PREX1: variants seen among roughly 807,000 people sequenced by gnomAD.
PREX1 encodes the protein phosphatidylinositol-3,4,5-trisphosphate dependent Rac exchange factor 1, also known as phosphatidylinositol 3,4,5-trisphosphate-dependent Rac exchanger 1 protein.
In PREX1, 41 loss-of-function variants were observed where a neutral mutation model predicts 198.3. That is an observed-to-expected ratio of 0.21 (90% confidence interval 0.16 to 0.27). The LOEUF (loss-of-function observed/expected upper bound fraction) is 0.27, where lower values mean the gene tolerates loss of function less well. Ranked by LOEUF, PREX1 falls within the 10% of genes least tolerant of loss-of-function variation. The pLI is 1.00. For synonymous variants in PREX1, 843 were observed against 887.2 expected (o/e 0.95, Z 0.89); for missense variants, 1,620 against 2,200.7 (o/e 0.74, Z 5.28).
chr20:48,685,540 G>A (rs1432479418), intron 10 of PREX1, among the ~76,000 whole-genome samples: 1 of 152,186 alleles, frequency 6.6e-6, no homozygotes, highest in African/African-American at 2.4e-5. Flanking sequence ...GGTTCAGAGA[G>A]GTTAAGAAAC....
intron 1 of PREX1, among the ~76,000 whole-genome samples, chr20:48,782,503 G>A (rs921922800): frequency 4.6e-5 from 7 of 152,266 alleles, no homozygotes; most frequent in Non-Finnish European, 8.8e-5. Flanking sequence ...TATCAGCAGC[G>A]TGAAAATGGA....
chr20:48,679,200 A>G (rs577758253), intron 13 of PREX1, among the ~76,000 whole-genome samples, 160 bp downstream of exon 13: 59 of 152,318 alleles, frequency 3.9e-4, no homozygotes, highest in Admixed American at 3.1e-3. Flanking sequence ...CCACAATTTA[A>G]TTCAGTTAAT....
chr20:48,702,206 TAAA>T (rs71184231), intron 6 of PREX1, among the ~76,000 whole-genome samples: 3 of 122,810 alleles, frequency 2.4e-5, no homozygotes. Flanking sequence ...GGACTCTGTC[TAAA>T]AAAAAAAAAA....
intron 12 of PREX1, 110 bp downstream of exon 12, chr20:48,679,541 C>A: frequency 7.3e-7 from 1 of 1,377,074 alleles, no homozygotes; most frequent in Admixed American, 1.7e-5. Context: ...GAGTTGTGGG[C>A]AGTGGAGAAG....
At chr20:48,766,470 T>G (rs749679198) in intron 1 of PREX1, among the ~76,000 whole-genome samples, 3 of 152,232 alleles carry the variant, frequency 2.0e-5, no homozygotes, top group Non-Finnish European at 2.9e-5. Flanking sequence ...CAAGCTGTGC[T>G]GCAGCCAGAC....
the PREX1 span, among the ~76,000 whole-genome samples, chr20:48,862,790 A>AAAAAAAATAT: frequency 9.8e-5 from 10 of 102,538 alleles, no homozygotes; most frequent in Middle Eastern, 4.5e-3. Context: ...TAAAAAAAAA[A>AAAAAAAATAT]ATATATATAT....
intron 13 of PREX1, among the ~76,000 whole-genome samples, chr20:48,677,098 G>A (rs896545541): frequency 6.6e-6 from 1 of 152,230 alleles, no homozygotes; most frequent in African/African-American, 2.4e-5. Flanking sequence ...CTAGTTGGAG[G>A]ATTTCTCTCA....
chr20:48,758,562 C>T (rs531826713), intron 1 of PREX1, among the ~76,000 whole-genome samples: 6 of 152,312 alleles, frequency 3.9e-5, no homozygotes, highest in Middle Eastern at 3.4e-3. Context: ...AGGACGGCCT[C>T]GCTGCCTGTT....
chr20:48,745,333 C>G (rs569551128), intron 2 of PREX1, among the ~76,000 whole-genome samples, 186 bp from the exon 3 acceptor site: 3 of 152,222 alleles, frequency 2.0e-5, no homozygotes, highest in Non-Finnish European at 4.4e-5. Flanking sequence ...TATTTATTTA[C>G]TATAATCGGA....
chr20:48,792,815 A>AACACAC (rs1555845875), intron 1 of PREX1, among the ~76,000 whole-genome samples: 1 of 75,846 alleles, frequency 1.3e-5, no homozygotes, highest in Non-Finnish European at 2.4e-5. Flanking sequence ...AAAAAAAAAA[A>AACACAC]ATACACACAC....
intron 37 of PREX1, 36 bp from the exon 38 acceptor site, chr20:48,627,999 G>T (rs542096542): frequency 2.0e-6 from 2 of 1,006,082 alleles, no homozygotes; most frequent in South Asian, 1.7e-5. Flanking sequence ...GGTTGGCGGT[G>T]GGGGGACAGG....
chr20:48,803,530 C>T (rs540000379), intron 1 of PREX1, among the ~76,000 whole-genome samples: 1 of 152,214 alleles, frequency 6.6e-6, no homozygotes, highest in South Asian at 2.1e-4. Flanking sequence ...GGGAGGGCCA[C>T]CTGTCACCAA....
chr20:48,840,477 C>G, the PREX1 span, among the ~76,000 whole-genome samples: 23,766 of 152,124 alleles, frequency 0.16, 2,047 homozygotes, highest in Non-Finnish European at 0.19. Flanking sequence ...TGTGAGCAAG[C>G]GTTTTCAGGT....
intron 1 of PREX1, among the ~76,000 whole-genome samples, chr20:48,777,204 C>G (rs982083988): frequency 6.6e-6 from 1 of 152,074 alleles, no homozygotes; most frequent in African/African-American, 2.4e-5. Context: ...GATGCCAAAA[C>G]CCGCCACACC....
At chr20:48,870,950 CAAAA>C in the PREX1 span, among the ~76,000 whole-genome samples, 266 of 576 alleles carry the variant, frequency 0.46, 24 homozygotes, top group Admixed American at 0.58. Flanking sequence ...GACTCCATCT[CAAAA>C]AAAAAAAAAA....
chr20:48,687,775 C>A (rs2089793906), intron 10 of PREX1, among the ~76,000 whole-genome samples: 1 of 152,168 alleles, frequency 6.6e-6, no homozygotes, highest in South Asian at 2.1e-4. Context: ...TCTACCTCTC[C>A]CGTGCCCCAG....
intron 36 of PREX1, among the ~76,000 whole-genome samples, chr20:48,630,288 C>A (rs933948098): frequency 6.6e-6 from 1 of 152,230 alleles, no homozygotes; most frequent in Non-Finnish European, 1.5e-5. Flanking sequence ...CTCGGAGCAA[C>A]GGGGACATGT....
At chr20:48,813,009 C>G (rs1465853309) in intron 1 of PREX1, among the ~76,000 whole-genome samples, 1 of 152,222 alleles carries the variant, frequency 6.6e-6, no homozygotes, top group Non-Finnish European at 1.5e-5. Context: ...AAAATGAGCG[C>G]AGTAACTGCA....
At chr20:48,693,711 G>T (rs548898626) in intron 7 of PREX1, among the ~76,000 whole-genome samples, 4 of 151,590 alleles carry the variant, frequency 2.6e-5, no homozygotes, top group African/African-American at 9.7e-5. Flanking sequence ...GGTTACAAGC[G>T]ATTCTCCTGC....
Sources: allele counts gnomAD v4.1 joint callset (sites outside exome capture counted in the v4.1 genomes callset), GRCh38; gene constraint gnomAD v4.1.1; transcripts MANE v1.5; gene names NCBI Gene and HGNC (gene_info 2026-07-23, HGNC 2026-07-21).